ANK3: variants seen among roughly 807,000 people sequenced by gnomAD.
ANK3 encodes ankyrin-3.
Under a neutral mutation model 370.9 loss-of-function variants are expected in ANK3, and 57 were observed. The observed-to-expected ratio is 0.15, with a 90% CI of 0.12 to 0.19. The LOEUF is 0.19. Among genes scored for constraint, ANK3 ranks in the 10% least tolerant of loss-of-function variants. The pLI is 1.00. For missense variants in ANK3, 4,439 were observed against 5,302.1 expected (o/e 0.84, Z 5.06); for synonymous variants, 1,929 against 1,946.3 (o/e 0.99, Z 0.23).
At chr10:60,077,820 T>C (rs1349987033) in intron 36 of ANK3, among the ~76,000 whole-genome samples, 1 of 152,196 alleles carries the variant, frequency 6.6e-6, no homozygotes, top group African/African-American at 2.4e-5. Flanking sequence ...TGCCTTCCCA[T>C]AATATTCATG....
intron 2 of ANK3, among the ~76,000 whole-genome samples, chr10:60,591,107 G>A (rs1275176119): frequency 3.4e-4 from 52 of 152,008 alleles, no homozygotes; most frequent in Non-Finnish European, 4.4e-5. Flanking sequence ...TGATGACTGG[G>A]GTTGGCGTCC....
chr10:60,369,811 T>A (rs979618095), intron 1 of ANK3, among the ~76,000 whole-genome samples: 1 of 152,174 alleles, frequency 6.6e-6, no homozygotes, highest in Non-Finnish European at 1.5e-5. Context: ...GTTTATTTAT[T>A]TCTGCTAGAA....
At position 60,100,234 on chromosome 10, in the gene ANK3, GTTTTTT is replaced by G. The variant is rs3045340; in HGVS notation, c.3328+5665_3328+5670del. Among the ~76,000 whole-genome samples the G allele has an allele frequency of 3.6e-4, 21 of 57,900 alleles. 1 individual carries two copies. In the South Asian group the frequency reaches 0.012, roughly 32 times the overall value. 38.0% of individuals were successfully genotyped at this position (57,900 alleles called of 152,430 possible). ...GGCTGAAAGTCAGTATTTTGCTATG[GTTTTTT>G]TTTTTTTTTTTTTTTTGCACCCCAA... On this transcript the variant is annotated intron_variant, in intron 28 of 43. Transcript: ENST00000280772.
intron 2 of ANK3, among the ~76,000 whole-genome samples, chr10:60,398,476 T>C (rs1311778998): frequency 1.3e-5 from 2 of 152,164 alleles, no homozygotes; most frequent in East Asian, 1.9e-4. Flanking sequence ...CACAGGTATA[T>C]GTGATATGCA....
chr10:60,194,277 T>C (rs73263129), intron 16 of ANK3, among the ~76,000 whole-genome samples: 17,529 of 152,248 alleles, frequency 0.12, 1,335 homozygotes, highest in African/African-American at 0.2. Context: ...CCATTTAAAG[T>C]ATTTTCCAGT....
Position 60,525,194 on chromosome 10 carries a change from T to C in ANK3, c.96+89992A>G, listed in dbSNP as rs552672221. ...CAGAAGCGTCTCATTTTGAGAAAAA[T>C]CTCAGAAGATTCTATTATAAATATA... On this transcript the variant is annotated intron_variant, in intron 2 of 43. Transcript: ENST00000373827. Among the ~76,000 whole-genome samples, 3 of 151,998 alleles carry C rather than the reference T, an allele frequency of 2.0e-5. No individual in the cohort carries two copies. The East Asian group carries it at 5.8e-4, about 30-fold the overall frequency.
At chr10:60,319,217 C>T (rs1015733219) in intron 1 of ANK3, among the ~76,000 whole-genome samples, 5 of 152,112 alleles carry the variant, frequency 3.3e-5, no homozygotes, top group Admixed American at 2.6e-4. Flanking sequence ...GTTCTAGTTC[C>T]AAGGCTTTGT....
intron 2 of ANK3, among the ~76,000 whole-genome samples, chr10:60,515,167 G>A (rs2076188103): frequency 6.6e-6 from 1 of 152,158 alleles, no homozygotes; most frequent in Non-Finnish European, 1.5e-5. Flanking sequence ...GGTGATGCAG[G>A]TACAGATACT....
intron 2 of ANK3, among the ~76,000 whole-genome samples, chr10:60,400,312 T>C (rs2063328709): frequency 6.6e-6 from 1 of 152,172 alleles, no homozygotes; most frequent in South Asian, 2.1e-4. Context: ...TCAGATCCTA[T>C]GAATAGGAGT....
intron 2 of ANK3, among the ~76,000 whole-genome samples, chr10:60,512,683 T>A (rs542936461): frequency 1.7e-4 from 26 of 152,156 alleles, no homozygotes; most frequent in Non-Finnish European, 1.0e-4. Flanking sequence ...GGAAAAATTG[T>A]CCTTGAGGGA....
intron 1 of ANK3, among the ~76,000 whole-genome samples, chr10:60,384,774 T>C (rs1042090904): frequency 2.0e-5 from 3 of 152,186 alleles, no homozygotes; most frequent in African/African-American, 7.2e-5. Flanking sequence ...AGAAAAGACA[T>C]GAATCCAGGA....
intron 2 of ANK3, among the ~76,000 whole-genome samples, chr10:60,598,417 T>C (rs988768748): frequency 7.2e-5 from 11 of 152,230 alleles, no homozygotes; most frequent in Admixed American, 7.2e-4. Context: ...TTGCCTACTT[T>C]ATCTAAAAAT....
intron 2 of ANK3, among the ~76,000 whole-genome samples, chr10:60,554,544 C>G (rs959043605): frequency 1.3e-5 from 2 of 151,978 alleles, no homozygotes; most frequent in Non-Finnish European, 2.9e-5. Context: ...TTTTGTAGCA[C>G]AAAAATAAAG....
chr10:60,075,220 A>G lies in ANK3; in HGVS notation c.5661T>C (p.Leu1887=), dbSNP rs747285554. The G allele has an allele frequency of 3.1e-6, 5 of 1,614,024 alleles. No individual in the cohort carries two copies. In the African/African-American group the frequency reaches 5.3e-5, roughly 17 times the overall value. The change falls in exon 37 of 44, where the codon CTT becomes CTC. Residue 1887 remains leucine, a synonymous_variant. Transcript: ENST00000280772. ...KSSLFLAPSA[L]KLSTPSSLSS... is the part of the protein sequence containing the mutation. ...ATAAAGAAGATGGTGTAGACAACTT[A>G]AGGGCAGAGGGTGCAAGGAACAAAG...
chr10:60,489,588 G>T (rs970287231), intron 2 of ANK3, among the ~76,000 whole-genome samples: 5 of 151,968 alleles, frequency 3.3e-5, no homozygotes, highest in African/African-American at 1.2e-4. Context: ...TATATTAATT[G>T]GTATTACTAT....
chr10:60,513,061 G>C (rs548629249), intron 2 of ANK3, among the ~76,000 whole-genome samples: 2 of 152,014 alleles, frequency 1.3e-5, no homozygotes, highest in South Asian at 4.1e-4. Context: ...ACAGAAATCT[G>C]AATTTGTTTC....
chr10:60,350,196 A>C (rs1347927709), intron 1 of ANK3, among the ~76,000 whole-genome samples: 1 of 152,240 alleles, frequency 6.6e-6, no homozygotes, highest in Non-Finnish European at 1.5e-5. Flanking sequence ...TATAATATGC[A>C]TAGTAGAATA....
intron 1 of ANK3, among the ~76,000 whole-genome samples, chr10:60,365,570 G>A (rs1265340448): frequency 2.0e-5 from 3 of 152,194 alleles, no homozygotes; most frequent in African/African-American, 7.2e-5. Context: ...CAAGTATTGA[G>A]AAACTTTAAA....
At position 60,073,464 on chromosome 10, in the gene ANK3, G is replaced by C; in HGVS notation, c.7417C>G (p.Leu2473Val). The C allele has an allele frequency of 6.2e-7, 1 of 1,613,978 alleles. No individual in the cohort carries two copies. Among genetic ancestry groups the C allele is most frequent in the Non-Finnish European group, 8.5e-7 (1 of 1,179,992 alleles). Reference protein sequence around the residue: ...FAEKMLLSEKLDVSHSDTEES... With the variant: ...FAEKMLLSEKVDVSHSDTEES... ...TCAGTATCAGAATGAGACACATCTA[G>C]CTTTTCTGACAGAAGCATTTTCTCA... Residue 2473 changes from leucine (L) to valine (V), a missense_variant, in exon 37 of 44, where the codon CTA (leucine) becomes GTA (valine). This residue lies in a region of ANK3 where 1,601 missense variants were observed against 1,731.7 expected (regional missense o/e 0.92). Transcript: ENST00000280772.
Sources: gnomAD v4.1 joint callset for allele counts (sites outside exome capture counted in the v4.1 genomes callset) on GRCh38, gnomAD v4.1.1 for gene constraint, gnomAD v4.1.1 regional missense constraint, MANE v1.5 for transcripts, NCBI Gene and HGNC (gene_info 2026-07-23, HGNC 2026-07-21) for gene names.